SEMA6D: variants seen among roughly 807,000 people sequenced by gnomAD.
SEMA6D encodes the protein semaphorin-6D.
SEMA6D carries 35 observed loss-of-function variants against 106.6 expected under a neutral mutation model. The observed-to-expected ratio is 0.33, with a 90% CI of 0.25 to 0.44. The LOEUF (loss-of-function observed/expected upper bound fraction) is 0.44, where lower values mean the gene tolerates loss of function less well. Ranked by LOEUF, SEMA6D falls within the 20% of genes least tolerant of loss-of-function variation. The pLI, the probability that SEMA6D is intolerant of heterozygous loss-of-function variation, is 1.00. For synonymous variants in SEMA6D, 499 were observed against 487.7 expected (o/e 1.02, Z -0.31); for missense variants, 1,185 against 1,345.9 (o/e 0.88, Z 1.87).
chr15:47,409,109 A>G (rs1310990737), intron 1 of SEMA6D, among the ~76,000 whole-genome samples: 1 of 152,346 alleles, frequency 6.6e-6, no homozygotes, highest in East Asian at 1.9e-4. Context: ...TTCTCCTGGA[A>G]CACTTCCTGA....
chr15:47,599,004 G>T (rs1250324004), intron 3 of SEMA6D, among the ~76,000 whole-genome samples: 1 of 152,072 alleles, frequency 6.6e-6, no homozygotes, highest in Non-Finnish European at 1.5e-5. Context: ...TTCCCAAAAT[G>T]TGGTCATGAG....
intron 1 of SEMA6D, among the ~76,000 whole-genome samples, chr15:47,727,511 G>A (rs1340715643): frequency 6.6e-6 from 1 of 152,196 alleles, no homozygotes; most frequent in Non-Finnish European, 1.5e-5. Context: ...CTAGACCTCA[G>A]GGCTACTGTT....
intron 1 of SEMA6D, chr15:47,397,417 T>C (rs536274576): frequency 6.6e-6 from 1 of 152,302 alleles, no homozygotes; most frequent in Non-Finnish European, 1.5e-5. Context: ...GACTCTTTTT[T>C]TTTGCAGTCC....
At chr15:47,342,006 G>GT (rs11335489) in intron 1 of SEMA6D, among the ~76,000 whole-genome samples, 137 of 147,432 alleles carry the variant, frequency 9.3e-4, no homozygotes, top group East Asian at 2.4e-3. Flanking sequence ...TTTACCCTGT[G>GT]TTTTTTTTTT....
chr15:47,468,957 T>C (rs2042745415), intron 2 of SEMA6D, among the ~76,000 whole-genome samples: 1 of 152,154 alleles, frequency 6.6e-6, no homozygotes, highest in African/African-American at 2.4e-5. Context: ...AGTCCTGGAT[T>C]TTCCTTTTCA....
intron 1 of SEMA6D, among the ~76,000 whole-genome samples, chr15:47,410,195 G>A (rs2040741034): frequency 6.6e-6 from 1 of 151,662 alleles, no homozygotes; most frequent in African/African-American, 2.4e-5. Flanking sequence ...TGTTGCCCAA[G>A]CTGGTCTTGA....
chr15:47,273,266 C>T (rs1054511744), intron 1 of SEMA6D, among the ~76,000 whole-genome samples: 11 of 149,186 alleles, frequency 7.4e-5, no homozygotes. Context: ...AAAAAAAGCA[C>T]CACAGAAGTC....
At chr15:47,538,742 A>C (rs2045257999) in intron 3 of SEMA6D, among the ~76,000 whole-genome samples, 1 of 152,210 alleles carries the variant, frequency 6.6e-6, no homozygotes, top group Admixed American at 6.5e-5. Context: ...AGTAACAAAT[A>C]ACCTTTCCAG....
intron 1 of SEMA6D, among the ~76,000 whole-genome samples, chr15:47,366,759 A>G (rs1294084210): frequency 6.6e-6 from 1 of 152,242 alleles, no homozygotes; most frequent in Non-Finnish European, 1.5e-5. Context: ...CCTCAGCGCT[A>G]AAAGCAATGG....
At chr15:47,251,198 C>A (rs1430176368) in intron 1 of SEMA6D, among the ~76,000 whole-genome samples, 1 of 152,166 alleles carries the variant, frequency 6.6e-6, no homozygotes, top group African/African-American at 2.4e-5. Flanking sequence ...TAGCAATTCA[C>A]AATTCTAGCC....
intron 1 of SEMA6D, among the ~76,000 whole-genome samples, chr15:47,261,518 C>T (rs2034074133): frequency 6.6e-6 from 1 of 152,016 alleles, no homozygotes; most frequent in Non-Finnish European, 1.5e-5. Context: ...TTTTTAATGG[C>T]TTCGTTGATA....
chr15:47,191,791 A>C (rs1291699534), intron 1 of SEMA6D, among the ~76,000 whole-genome samples: 1 of 152,130 alleles, frequency 6.6e-6, no homozygotes, highest in Non-Finnish European at 1.5e-5. Context: ...TTAATGGGAG[A>C]ATTGAAGCTA....
chr15:47,693,814 C>G lies in SEMA6D; in HGVS notation c.-54-65931C>G, dbSNP rs557083332. On this transcript the variant is annotated intron_variant, in intron 4 of 19. Coordinates refer to the SEMA6D transcript ENST00000558014. ...AGCTGGGTATGGTGGCTCATTCATA[C>G]CTGTTGTCCCAGCTACTTGGGAGGC... 2.6e-5 allele frequency among the ~76,000 whole-genome samples: 4 copies of G among 152,170 alleles called. No homozygotes were observed. The South Asian group carries it at 6.2e-4, about 24-fold the overall frequency.
At position 47,498,755 on chromosome 15, in the gene SEMA6D, A is replaced by G. The variant is rs141707917; in HGVS notation, c.-87+28210A>G. ...TCAAAGGGATTGATGTTTTTCTCCTAAAAAGCTACCTGAGGCACAAGAGGC... is the reference window on the plus strand; with the variant it reads ...TCAAAGGGATTGATGTTTTTCTCCTGAAAAGCTACCTGAGGCACAAGAGGC... On this transcript the variant is annotated intron_variant, in intron 3 of 19. Coordinates refer to the SEMA6D transcript ENST00000558014. Among the ~76,000 whole-genome samples the G allele has an allele frequency of 4.9e-4, 75 of 152,260 alleles. No homozygotes were observed. In the East Asian group the frequency reaches 0.012, roughly 25 times the overall value.
At chr15:47,658,098 T>C (rs1263336150) in intron 4 of SEMA6D, among the ~76,000 whole-genome samples, 1 of 152,200 alleles carries the variant, frequency 6.6e-6, no homozygotes, top group Non-Finnish European at 1.5e-5. Context: ...ATTATAAGAA[T>C]GATAGTGGCA....
intron 3 of SEMA6D, among the ~76,000 whole-genome samples, chr15:47,545,119 A>T (rs568614240): frequency 6.6e-6 from 1 of 152,256 alleles, no homozygotes; most frequent in African/African-American, 2.4e-5. Flanking sequence ...ACTTGCCTAG[A>T]AAATGTAGAC....
chr15:47,391,383 A>T (rs1279724545), intron 1 of SEMA6D, among the ~76,000 whole-genome samples: 1 of 121,258 alleles, frequency 8.2e-6, no homozygotes, highest in Non-Finnish European at 1.6e-5. Flanking sequence ...AAGTCCTGAT[A>T]GTAATGAGTC....
chr15:47,759,537 C>T (rs2081952670), intron 1 of SEMA6D, among the ~76,000 whole-genome samples: 1 of 152,148 alleles, frequency 6.6e-6, no homozygotes, highest in Non-Finnish European at 1.5e-5. Flanking sequence ...CTGAAAACTT[C>T]AATAATGCTC....
At chr15:47,674,030 C>T (rs1187065251) in intron 4 of SEMA6D, among the ~76,000 whole-genome samples, 1 of 152,106 alleles carries the variant, frequency 6.6e-6, no homozygotes, top group South Asian at 2.1e-4. Context: ...ATGTTGTCCC[C>T]GGACACTCTC....
Sources: gnomAD v4.1 joint callset for allele counts (sites outside exome capture counted in the v4.1 genomes callset) on GRCh38, gnomAD v4.1.1 for gene constraint, MANE v1.5 for transcripts, NCBI Gene and HGNC (gene_info 2026-07-23, HGNC 2026-07-21) for gene names.